CSMD1: variants seen among roughly 807,000 people sequenced by gnomAD.
CSMD1 encodes the protein CUB and Sushi multiple domains 1.
In CSMD1, 213 loss-of-function variants were observed where a neutral mutation model predicts 417.5. The ratio of observed to expected loss-of-function variants is 0.51; its 90% CI spans 0.46 to 0.57. The LOEUF (loss-of-function observed/expected upper bound fraction) is 0.57, where lower values mean the gene tolerates loss of function less well. Ranked by LOEUF, CSMD1 falls within the 20% of genes least tolerant of loss-of-function variation. The pLI is 0.00. For missense variants in CSMD1, 6,923 were observed against 4,529.7 expected (o/e 1.53, Z -15.17); for synonymous variants, 2,862 against 1,736.8 (o/e 1.65, Z -16.11).
chr8:3,673,692 C>A (rs1799209408), intron 7 of CSMD1, among the ~76,000 whole-genome samples: 1 of 152,162 alleles, frequency 6.6e-6, no homozygotes, highest in African/African-American at 2.4e-5. Context: ...TACACCCAAT[C>A]AGCTGGCTTG....
chr8:4,452,417 A>G (rs147424586), intron 2 of CSMD1, among the ~76,000 whole-genome samples: 1 of 152,208 alleles, frequency 6.6e-6, no homozygotes, highest in African/African-American at 2.4e-5. Context: ...TCATGTTCTT[A>G]CACGGTGATT....
At chr8:3,786,431 A>C (rs1453165694) in intron 5 of CSMD1, among the ~76,000 whole-genome samples, 1 of 152,112 alleles carries the variant, frequency 6.6e-6, no homozygotes, top group Non-Finnish European at 1.5e-5. Flanking sequence ...CAAAAGTACG[A>C]GAGAAAGCAT....
intron 2 of CSMD1, among the ~76,000 whole-genome samples, chr8:4,449,959 T>C (rs796285498): frequency 5.9e-5 from 9 of 152,326 alleles, no homozygotes; most frequent in African/African-American, 1.9e-4. Flanking sequence ...CTCTTTTTCT[T>C]GTTTTTCCAC....
chr8:3,310,052 G>C (rs998722731), intron 23 of CSMD1, among the ~76,000 whole-genome samples: 1 of 152,190 alleles, frequency 6.6e-6, no homozygotes, highest in African/African-American at 2.4e-5. Context: ...AAGAACAGAA[G>C]AGTGTATCCA....
At chr8:3,423,605 G>T (rs1409281356) in intron 12 of CSMD1, among the ~76,000 whole-genome samples, 2 of 152,066 alleles carry the variant, frequency 1.3e-5, no homozygotes, top group Non-Finnish European at 2.9e-5. Context: ...CCACTCTGTG[G>T]CTTTGGCACC....
At chr8:4,022,858 C>A (rs1039699006) in intron 4 of CSMD1, among the ~76,000 whole-genome samples, 8 of 152,030 alleles carry the variant, frequency 5.3e-5, no homozygotes, top group Non-Finnish European at 7.4e-5. Context: ...TCATTCGGAG[C>A]AAGAATTCAC....
At chr8:3,155,584 G>C (rs1819477362) in intron 39 of CSMD1, among the ~76,000 whole-genome samples, 1 of 151,226 alleles carries the variant, frequency 6.6e-6, no homozygotes, top group Admixed American at 6.6e-5. Context: ...AGCCAGGATG[G>C]TCTCGATCTC....
At chr8:4,402,793 CTTTTTTCTTTTTTTTTT>C (rs1804731952) in intron 3 of CSMD1, among the ~76,000 whole-genome samples, 1 of 133,244 alleles carries the variant, frequency 7.5e-6, no homozygotes, top group African/African-American at 2.8e-5. Flanking sequence ...AATGTCCTCA[CTTTTTTCTTTTTTTTTT>C]TTTTTTTTTT....
At position 3,219,370 on chromosome 8, in the gene CSMD1, C is replaced by T. The variant is rs761580581; in HGVS notation, c.4557G>A (p.Gly1519=). ...EGEDSNSPLI[G]SYQGSQAPER... ...CTGGGGCCTGAGAGCCCTGGTAACTCCCAATGAGGGGGCTGTTGGAATCTT... is the reference window on the plus strand; with the variant it reads ...CTGGGGCCTGAGAGCCCTGGTAACTTCCAATGAGGGGGCTGTTGGAATCTT... The change falls in exon 29 of 70, where the codon GGG becomes GGA. Residue 1519 remains glycine, a synonymous_variant. Coordinates refer to ENST00000635120, the MANE Select transcript of CSMD1 (RefSeq NM_033225.6). 5 of 1,570,724 alleles carry T rather than the reference C, an allele frequency of 3.2e-6. No homozygotes were observed. The highest frequency in any genetic ancestry group is 3.5e-6 in the Non-Finnish European group (4 of 1,157,368).
chr8:3,016,844 T>C (rs1427984471), intron 52 of CSMD1, among the ~76,000 whole-genome samples: 2 of 152,094 alleles, frequency 1.3e-5, no homozygotes, highest in Non-Finnish European at 2.9e-5. Flanking sequence ...CACTGAGACA[T>C]GTTTGGGGGC....
At chr8:4,419,666 G>A (rs1797138052) in intron 3 of CSMD1, among the ~76,000 whole-genome samples, 1 of 152,156 alleles carries the variant, frequency 6.6e-6, no homozygotes, top group African/African-American at 2.4e-5. Flanking sequence ...AGGGCTATTA[G>A]TTTATAGTCA....
intron 1 of CSMD1, among the ~76,000 whole-genome samples, chr8:4,692,854 G>A (rs1027530276): frequency 1.3e-5 from 2 of 152,164 alleles, no homozygotes; most frequent in African/African-American, 2.4e-5. Context: ...TCATCATACT[G>A]TGAGGTGCTA....
chr8:4,094,804 T>C (rs60926575), intron 3 of CSMD1, among the ~76,000 whole-genome samples: 34,460 of 152,006 alleles, frequency 0.23, 4,860 homozygotes, highest in African/African-American at 0.39. Flanking sequence ...TAAACAGGCC[T>C]GCCAGGGAGC....
chr8:4,050,755 C>T (rs527604000), intron 3 of CSMD1, among the ~76,000 whole-genome samples: 2 of 152,120 alleles, frequency 1.3e-5, no homozygotes, highest in South Asian at 4.2e-4. Flanking sequence ...ACTATAAATG[C>T]CCTAATTGAC....
intron 25 of CSMD1, 55 bp downstream of exon 25, chr8:3,307,640 G>T: frequency 3.2e-6 from 5 of 1,561,994 alleles, no homozygotes; most frequent in Non-Finnish European, 4.4e-6. Context: ...TCTGCTACAA[G>T]AATAGAAGGC....
intron 26 of CSMD1, among the ~76,000 whole-genome samples, chr8:3,281,165 G>C (rs1057142609): frequency 6.6e-6 from 1 of 152,184 alleles, no homozygotes; most frequent in Non-Finnish European, 1.5e-5. Flanking sequence ...TAAACAGGCT[G>C]GGCGAGGTGG....
chr8:3,962,162 C>A (rs1446129113), intron 5 of CSMD1, among the ~76,000 whole-genome samples: 1 of 152,110 alleles, frequency 6.6e-6, no homozygotes, highest in East Asian at 1.9e-4. Context: ...ACTTCATAGA[C>A]CTGCTCTGCT....
chr8:3,465,067 T>TA (rs778101690), intron 12 of CSMD1, among the ~76,000 whole-genome samples: 8 of 152,198 alleles, frequency 5.3e-5, no homozygotes, highest in Non-Finnish European at 1.2e-4. Context: ...ACATACTGTA[T>TA]AACATACACA....
At chr8:3,414,948 G>A (rs1361740643) in intron 12 of CSMD1, among the ~76,000 whole-genome samples, 1 of 152,090 alleles carries the variant, frequency 6.6e-6, no homozygotes, top group Non-Finnish European at 1.5e-5. Context: ...CTGTCACTCT[G>A]CATTATATGT....
Sources: gnomAD v4.1 joint callset for allele counts (sites outside exome capture counted in the v4.1 genomes callset) on GRCh38, gnomAD v4.1.1 for gene constraint, MANE v1.5 for transcripts, NCBI Gene and HGNC (gene_info 2026-07-23, HGNC 2026-07-21) for gene names.